HTRA4: variants seen among roughly 807,000 people sequenced by gnomAD.
HTRA4 encodes the protein HtrA serine peptidase 4, also known as serine protease HTRA4.
A neutral mutation model predicts 49.1 loss-of-function variants in HTRA4; 46 were observed. The ratio of observed to expected loss-of-function variants is 0.94; its 90% confidence interval spans 0.74 to 1.20. The LOEUF (loss-of-function observed/expected upper bound fraction) is 1.20. Among genes scored for constraint, HTRA4 ranks in the 50% most tolerant of loss-of-function variants. The probability of loss-of-function intolerance (pLI) is 0.00; values close to 1 mark genes in which losing one functional copy is unlikely to be tolerated. For synonymous variants in HTRA4, 261 were observed against 264.0 expected (o/e 0.99, Z 0.11); for missense variants, 602 against 636.9 (o/e 0.95, Z 0.59).
chr8:38,974,669 G>A lies in HTRA4; in HGVS notation c.406G>A (p.Ala136Thr). The change falls in exon 1 of 9, where the codon GCG becomes ACG. Residue 136 changes from alanine to threonine, a missense_variant. Transcript: ENST00000302495. ...CGCGCTCCGGGCCGAAAACCGCGCC[G>A]CGCGCCGCCTGGGCAAGGTCCCGGC... is the stretch of plus-strand genomic sequence containing the variant. Reference protein sequence around the residue: ...MCALRAENRAARRLGKVPAVP... With the variant: ...MCALRAENRATRRLGKVPAVP... 7.1e-7 allele frequency: 1 copy of A among 1,399,506 alleles called. No individual in the cohort carries two copies. The highest frequency in any genetic ancestry group is 9.2e-7 in the Non-Finnish European group (1 of 1,086,616). The allele number at this position is 1,399,506 out of a possible 1,614,324, so 86.7% of individuals were successfully genotyped here. A position where few individuals can be genotyped will look rare whatever the true frequency, so the allele number is the denominator to read the frequency against.
chr8:38,988,031 T>C lies in HTRA4; in HGVS notation c.1364T>C (p.Leu455Pro). Residue 455 changes from leucine to proline, a missense_variant, in exon 9 of 9, where the codon CTT becomes CCT. Transcript: ENST00000302495. Reference protein sequence around the residue: ...DVVKALDSDSLSMAVLRGKDN... With the variant: ...DVVKALDSDSPSMAVLRGKDN... ...GTTAAAGCTCTTGACAGTGATTCCCTTTCCATGGCTGTTCTTCGGGGAAAA... is the reference window on the plus strand; with the variant it reads ...GTTAAAGCTCTTGACAGTGATTCCCCTTCCATGGCTGTTCTTCGGGGAAAA... 6.2e-7 allele frequency: 1 copy of C among 1,612,874 alleles called. No individual in the cohort carries two copies. The highest frequency in any genetic ancestry group is 8.5e-7 in the Non-Finnish European group (1 of 1,179,626).
rs928636467 is a variant in HTRA4, at chr8:38,988,018, G to A, written c.1351G>A (p.Asp451Asn). The change falls in exon 9 of 9, where the codon GAC (aspartate) becomes AAC (asparagine). Residue 451 changes from aspartate (D) to asparagine (N), a missense_variant. Transcript: ENST00000302495. ...TTTTDVVKALDSDSLSMAVLR... is the reference protein window; with the variant it reads ...TTTTDVVKALNSDSLSMAVLR... Reference sequence around the variant, plus strand: ...TACAACTGATGTTGTTAAAGCTCTTGACAGTGATTCCCTTTCCATGGCTGT... The same window carrying A: ...TACAACTGATGTTGTTAAAGCTCTTAACAGTGATTCCCTTTCCATGGCTGT... The A allele has an allele frequency of 6.2e-7, 1 of 1,612,684 alleles. No homozygotes were observed. The highest frequency in any genetic ancestry group is 8.5e-7 in the Non-Finnish European group (1 of 1,179,664).
At chr8:38,982,402 C>A in intron 6 of HTRA4, 96 bp from the exon 7 acceptor site, 2 of 1,048,296 alleles carry the variant, frequency 1.9e-6, no homozygotes, top group South Asian at 1.4e-5. Flanking sequence ...GAAAGGACAG[C>A]TGTGATGGCA....
Position 38,988,033 on chromosome 8 carries a change from T to C in HTRA4, c.1366T>C (p.Ser456Pro). ...VVKALDSDSL[S>P]MAVLRGKDNL... is the part of the protein sequence containing the mutation. ...TAAAGCTCTTGACAGTGATTCCCTTTCCATGGCTGTTCTTCGGGGAAAAGA... is the reference window on the plus strand; with the variant it reads ...TAAAGCTCTTGACAGTGATTCCCTTCCCATGGCTGTTCTTCGGGGAAAAGA... The change falls in exon 9 of 9, where the codon TCC (serine) becomes CCC (proline). Residue 456 changes from serine (S) to proline (P), a missense_variant. Physicochemically the swap from Ser to Pro is moderately conservative, Grantham distance 74. Coordinates refer to ENST00000302495, the MANE Select transcript of HTRA4 (RefSeq NM_153692.4). 6.2e-7 allele frequency: 1 copy of C among 1,612,836 alleles called. No individual in the cohort carries two copies. The highest frequency in any genetic ancestry group is 8.5e-7 in the Non-Finnish European group (1 of 1,179,652).
intron 1 of HTRA4, 68 bp from the exon 2 acceptor site, chr8:38,974,963 A>G: frequency 6.3e-7 from 1 of 1,577,564 alleles, no homozygotes; most frequent in Non-Finnish European, 8.7e-7. Context: ...TGCCTTTAAC[A>G]TTTTTCCAAC....
At chr8:38,986,730 A>G (rs1201668883) in intron 8 of HTRA4, among the ~76,000 whole-genome samples, 1 of 152,200 alleles carries the variant, frequency 6.6e-6, no homozygotes, top group African/African-American at 2.4e-5. Flanking sequence ...GAACCCTTCT[A>G]TTATCCTGCT....
rs1564179110 is a variant in HTRA4, at chr8:38,981,086, T to TTTTG, written c.1000-564_1000-563insGTTT. ...AAGTTTTTTTTTTTTTTTTTTTTTT[T>TTTTG]TTTTTTTTTTTGAGACGGAGTCTCG... On this transcript the variant is annotated intron_variant, in intron 5 of 8. Coordinates refer to ENST00000302495, the MANE Select transcript of HTRA4 (RefSeq NM_153692.4). Among the ~76,000 whole-genome samples the TTTTG allele has an allele frequency of 1.2e-4, 15 of 123,930 alleles. 1 individual carries two copies. The highest frequency in any genetic ancestry group is 4.3e-4 in the East Asian group (2 of 4,618). The allele number at this position is 123,930 out of a possible 152,430, so 81.3% of individuals were successfully genotyped here.
intron 8 of HTRA4, among the ~76,000 whole-genome samples, chr8:38,987,688 ACTT>A (rs1835500420): frequency 6.6e-6 from 1 of 152,210 alleles, no homozygotes; most frequent in South Asian, 2.1e-4. Context: ...GGAGGAGTAA[ACTT>A]CTCACATGAT....
intron 5 of HTRA4, among the ~76,000 whole-genome samples, chr8:38,980,178 T>A (rs967980053): frequency 6.6e-6 from 1 of 152,206 alleles, no homozygotes; most frequent in Non-Finnish European, 1.5e-5. Flanking sequence ...ACACATAGCA[T>A]GTGATCATCC....
intron 5 of HTRA4, among the ~76,000 whole-genome samples, chr8:38,980,957 A>G (rs1439667640): frequency 6.6e-6 from 1 of 152,064 alleles, no homozygotes; most frequent in African/African-American, 2.4e-5. Flanking sequence ...TTACTTTTAA[A>G]TAATAAAAAG....
rs532871112 is a variant in HTRA4, at chr8:38,980,172, A to G, written c.999+925A>G. 2.0e-5 allele frequency among the ~76,000 whole-genome samples: 3 copies of G among 152,328 alleles called. No homozygotes were observed. The East Asian group carries it at 5.8e-4, about 29-fold the overall frequency. ...AAGAGAGTGCAATGCTGTTTGACACATAGCATGTGATCATCCTTTCTGAGT... is the reference window on the plus strand; with the variant it reads ...AAGAGAGTGCAATGCTGTTTGACACGTAGCATGTGATCATCCTTTCTGAGT... On this transcript the variant is annotated intron_variant, in intron 5 of 8. Coordinates refer to ENST00000302495, the MANE Select transcript of HTRA4 (RefSeq NM_153692.4).
intron 8 of HTRA4, among the ~76,000 whole-genome samples, 175 bp from the exon 9 acceptor site, chr8:38,987,761 T>C (rs903378349): frequency 6.6e-6 from 1 of 152,206 alleles, no homozygotes; most frequent in African/African-American, 2.4e-5. Flanking sequence ...GGTGACTTTT[T>C]TGCAGCATAT....
chr8:38,981,880 G>C, intron 6 of HTRA4, 113 bp downstream of exon 6: 1 of 744,900 alleles, frequency 1.3e-6, no homozygotes, highest in East Asian at 2.6e-5. Flanking sequence ...ACAGAATTTT[G>C]CTCGTCATCC....
chr8:38,976,237 C>A (rs912403782), intron 2 of HTRA4, among the ~76,000 whole-genome samples: 1 of 152,150 alleles, frequency 6.6e-6, no homozygotes, highest in Non-Finnish European at 1.5e-5. Flanking sequence ...CATGGTGAAA[C>A]CCCATCTCCA....
At chr8:38,982,713 TC>T (rs1285337910) in intron 7 of HTRA4, among the ~76,000 whole-genome samples, 158 bp downstream of exon 7, 1 of 152,222 alleles carries the variant, frequency 6.6e-6, no homozygotes, top group Non-Finnish European at 1.5e-5. Context: ...TCTGCCTGCA[TC>T]AGCACTAACT....
intron 8 of HTRA4, among the ~76,000 whole-genome samples, chr8:38,985,588 G>T (rs111282417): frequency 8.2e-4 from 125 of 152,320 alleles, no homozygotes; most frequent in African/African-American, 2.9e-3. Flanking sequence ...CAGCACAGCA[G>T]TCATAGGTCT....
intron 6 of HTRA4, among the ~76,000 whole-genome samples, chr8:38,982,243 C>A (rs1480099997): frequency 6.6e-6 from 1 of 152,094 alleles, no homozygotes; most frequent in Non-Finnish European, 1.5e-5. Flanking sequence ...GGGGACTAGG[C>A]ACAAACCAAG....
chr8:38,977,741 T>C (rs1158875827), intron 3 of HTRA4, among the ~76,000 whole-genome samples: 1 of 152,194 alleles, frequency 6.6e-6, no homozygotes, highest in Non-Finnish European at 1.5e-5. Flanking sequence ...ATCCTAGTCA[T>C]CTTAACACTC....
chr8:38,981,229 G>C (rs1001625722), intron 5 of HTRA4, among the ~76,000 whole-genome samples: 17 of 150,458 alleles, frequency 1.1e-4, no homozygotes, highest in South Asian at 2.1e-4. Flanking sequence ...ACAGGCACCC[G>C]CCACCAGGCC....
Sources: allele counts gnomAD v4.1 joint callset (sites outside exome capture counted in the v4.1 genomes callset), GRCh38; gene constraint gnomAD v4.1.1; transcripts MANE v1.5; gene names NCBI Gene and HGNC (gene_info 2026-07-23, HGNC 2026-07-21).